Variants in XKR9 observed in about 807,000 individuals in gnomAD.
XKR9 encodes the protein XK-related protein 9.
In XKR9, 32 loss-of-function variants were observed where a neutral mutation model predicts 32.0. That is an observed-to-expected ratio of 1.00 (90% CI 0.76 to 1.34). The LOEUF (loss-of-function observed/expected upper bound fraction) is 1.34. Among genes scored for constraint, XKR9 ranks in the 40% most tolerant of loss-of-function variants. The pLI is 0.00. For synonymous variants in XKR9, 168 were observed against 143.4 expected (o/e 1.17, Z -1.22); for missense variants, 546 against 429.7 (o/e 1.27, Z -2.39).
chr8:70,966,634 T>G, the XKR9 span, among the ~76,000 whole-genome samples: 1 of 152,216 alleles, frequency 6.6e-6, no homozygotes, highest in Non-Finnish European at 1.5e-5. Flanking sequence ...ATCTATCAGG[T>G]CTGCTTGATA....
At chr8:70,850,553 A>G in the XKR9 span, among the ~76,000 whole-genome samples, 1 of 151,950 alleles carries the variant, frequency 6.6e-6, no homozygotes, top group African/African-American at 2.4e-5. Flanking sequence ...AAACTGGCAA[A>G]CCGAATCCAG....
chr8:70,792,892 G>A (rs184781621), downstream of XKR9, among the ~76,000 whole-genome samples: 108 of 152,232 alleles, frequency 7.1e-4, no homozygotes, highest in East Asian at 0.012. Context: ...AGCCCTCATC[G>A]TAGACTGAAT....
At chr8:70,863,917 A>G in the XKR9 span, among the ~76,000 whole-genome samples, 15 of 152,242 alleles carry the variant, frequency 9.9e-5, no homozygotes, top group Non-Finnish European at 1.6e-4. Context: ...TCTTTTTTCC[A>G]CATAATGATG....
At chr8:70,980,055 G>T in the XKR9 span, among the ~76,000 whole-genome samples, 1 of 152,212 alleles carries the variant, frequency 6.6e-6, no homozygotes, top group Non-Finnish European at 1.5e-5. Flanking sequence ...ATGTGTGTGG[G>T]ACCCACTGAG....
intron 3 of XKR9, among the ~76,000 whole-genome samples, chr8:70,702,859 A>G (rs1018360103): frequency 6.6e-5 from 10 of 152,118 alleles, no homozygotes; most frequent in African/African-American, 1.2e-4. Flanking sequence ...CAGTTTGATA[A>G]TCTCTTTTAA....
chr8:70,980,607 C>T, the XKR9 span, among the ~76,000 whole-genome samples: 1 of 152,140 alleles, frequency 6.6e-6, no homozygotes, highest in Non-Finnish European at 1.5e-5. Context: ...GTAAGTGGAG[C>T]ATTTAGGCCA....
At chr8:70,932,188 TATTA>T in the XKR9 span, among the ~76,000 whole-genome samples, 2 of 151,760 alleles carry the variant, frequency 1.3e-5, no homozygotes, top group South Asian at 2.1e-4. Context: ...TTAATATAGA[TATTA>T]ATTAATATGA....
intron 4 of XKR9, among the ~76,000 whole-genome samples, chr8:70,708,314 G>A (rs1179206968): frequency 2.0e-5 from 3 of 151,968 alleles, no homozygotes; most frequent in Non-Finnish European, 2.9e-5. Flanking sequence ...AATTCCAAGG[G>A]ATACATAGCA....
the XKR9 span, among the ~76,000 whole-genome samples, chr8:70,968,831 C>T: frequency 6.6e-6 from 1 of 152,206 alleles, no homozygotes; most frequent in African/African-American, 2.4e-5. Flanking sequence ...GGAACTCTGT[C>T]CCAGTGGGGC....
At chr8:70,756,544 T>G (rs1388144436) in intron 2 of XKR9, among the ~76,000 whole-genome samples, 1 of 152,222 alleles carries the variant, frequency 6.6e-6, no homozygotes, top group African/African-American at 2.4e-5. Context: ...CTTTCAACAA[T>G]GTTTTTATAG....
chr8:70,886,458 T>A, the XKR9 span, among the ~76,000 whole-genome samples: 1 of 152,312 alleles, frequency 6.6e-6, no homozygotes, highest in Admixed American at 6.5e-5. Flanking sequence ...CCTTGAGGAA[T>A]CACCACATGG....
At chr8:70,810,562 A>C in the XKR9 span, among the ~76,000 whole-genome samples, 1 of 152,222 alleles carries the variant, frequency 6.6e-6, no homozygotes, top group Admixed American at 6.5e-5. Flanking sequence ...ATGCAGAGAC[A>C]CACATAGACT....
downstream of XKR9, among the ~76,000 whole-genome samples, chr8:70,738,423 C>T (rs952002859): frequency 6.7e-6 from 1 of 148,760 alleles, no homozygotes; most frequent in Non-Finnish European, 1.5e-5. Flanking sequence ...AAAATCAGCT[C>T]CTGGATTCAT....
At chr8:70,995,005 A>G in the XKR9 span, among the ~76,000 whole-genome samples, 6 of 152,212 alleles carry the variant, frequency 3.9e-5, no homozygotes. Context: ...GGGTTGATAA[A>G]GGATCTAGAG....
At chr8:70,970,915 A>G in the XKR9 span, among the ~76,000 whole-genome samples, 1 of 152,220 alleles carries the variant, frequency 6.6e-6, no homozygotes, top group Non-Finnish European at 1.5e-5. Flanking sequence ...AAAGATCTAG[A>G]ACTAGAAATA....
At chr8:70,897,303 GCTT>G in the XKR9 span, among the ~76,000 whole-genome samples, 1 of 152,128 alleles carries the variant, frequency 6.6e-6, no homozygotes, top group Non-Finnish European at 1.5e-5. Context: ...CACTTAGGTT[GCTT>G]CCAAAACTTG....
At chr8:70,698,999 G>A (rs1028852435) in intron 3 of XKR9, among the ~76,000 whole-genome samples, 2 of 152,086 alleles carry the variant, frequency 1.3e-5, no homozygotes, top group Non-Finnish European at 2.9e-5. Context: ...CAGAGACTAG[G>A]ATTGCAACCC....
chr8:70,885,377 T>C, the XKR9 span, among the ~76,000 whole-genome samples: 9 of 152,296 alleles, frequency 5.9e-5, no homozygotes, highest in East Asian at 1.7e-3. Flanking sequence ...ATAAGTAGCA[T>C]ATATAGGTTT....
At chr8:70,993,894 A>G in the XKR9 span, among the ~76,000 whole-genome samples, 48,460 of 152,016 alleles carry the variant, frequency 0.32, 9,055 homozygotes, top group Non-Finnish European at 0.43. Context: ...CTCTAAGGAT[A>G]CAATCTCCTC....
Sources: gnomAD v4.1 joint callset for allele counts (sites outside exome capture counted in the v4.1 genomes callset) on GRCh38, gnomAD v4.1.1 for gene constraint, MANE v1.5 for transcripts, NCBI Gene and HGNC (gene_info 2026-07-23, HGNC 2026-07-21) for gene names.